Variants in RPS6KC1 observed in about 807,000 individuals in gnomAD.
RPS6KC1 encodes the protein inactive ribosomal protein S6 kinase delta-1.
A neutral mutation model predicts 103.8 loss-of-function variants in RPS6KC1; 54 were observed. That is an observed-to-expected ratio of 0.52 (90% confidence interval 0.42 to 0.65). The LOEUF (loss-of-function observed/expected upper bound fraction) is 0.65. RPS6KC1 is among the 30% of genes least tolerant of loss of function. RPS6KC1 has a pLI of 0.00. For missense variants in RPS6KC1, 1,151 were observed against 1,253.8 expected, an observed-to-expected ratio of 0.92 and a Z score of 1.24; for synonymous variants, 439 against 438.7, an observed-to-expected ratio of 1.00 and a Z score of -0.01.
chr1:213,534,881 G>T, the RPS6KC1 span, among the ~76,000 whole-genome samples: 1 of 152,166 alleles, frequency 6.6e-6, no homozygotes, highest in Non-Finnish European at 1.5e-5. Flanking sequence ...AGAGCCTGCT[G>T]GTAACATTCT....
At chr1:213,603,763 G>A in the RPS6KC1 span, among the ~76,000 whole-genome samples, 1 of 152,006 alleles carries the variant, frequency 6.6e-6, no homozygotes, top group Admixed American at 6.6e-5. Context: ...GGGAGGCTAA[G>A]GCAGGAGAAT....
the RPS6KC1 span, among the ~76,000 whole-genome samples, chr1:213,721,753 T>G: frequency 6.6e-6 from 1 of 152,188 alleles, no homozygotes; most frequent in Non-Finnish European, 1.5e-5. Context: ...AGTTCTCATA[T>G]AGCTGGAAGA....
At chr1:213,603,414 A>AT in the RPS6KC1 span, among the ~76,000 whole-genome samples, 1 of 152,266 alleles carries the variant, frequency 6.6e-6, no homozygotes, top group Non-Finnish European at 1.5e-5. Flanking sequence ...AGTTAGGACC[A>AT]GGAACCATGA....
intron 1 of RPS6KC1, among the ~76,000 whole-genome samples, chr1:213,060,382 A>T (rs1310614591): frequency 6.6e-6 from 1 of 152,230 alleles, no homozygotes. Context: ...ATTTTCAACA[A>T]ACAAAATAAT....
intron 6 of RPS6KC1, among the ~76,000 whole-genome samples, chr1:213,166,485 A>C (rs1049211919): frequency 2.0e-5 from 3 of 152,338 alleles, no homozygotes; most frequent in South Asian, 2.1e-4. Context: ...GCCCTCTAAA[A>C]CCTTGCCTTT....
At chr1:213,714,430 A>AAATT in the RPS6KC1 span, among the ~76,000 whole-genome samples, 2 of 152,188 alleles carry the variant, frequency 1.3e-5, no homozygotes, top group African/African-American at 4.8e-5. Context: ...TATTTTTCTC[A>AAATT]ATGTCTATTT....
the RPS6KC1 span, among the ~76,000 whole-genome samples, chr1:213,538,675 G>A: frequency 6.6e-6 from 1 of 152,164 alleles, no homozygotes; most frequent in African/African-American, 2.4e-5. Context: ...TTTGTTTTGA[G>A]GAGGGGCAGG....
chr1:213,661,558 C>T, the RPS6KC1 span, among the ~76,000 whole-genome samples: 16 of 152,116 alleles, frequency 1.1e-4, no homozygotes, highest in Non-Finnish European at 2.1e-4. Flanking sequence ...AGGAGGAAGT[C>T]AGAGGCGGGG....
At chr1:213,693,198 C>T in the RPS6KC1 span, among the ~76,000 whole-genome samples, 1 of 152,198 alleles carries the variant, frequency 6.6e-6, no homozygotes, top group Non-Finnish European at 1.5e-5. Context: ...GCCAAAGAAG[C>T]TAAGAGTGCC....
chr1:213,856,334 A>G, the RPS6KC1 span, among the ~76,000 whole-genome samples: 2 of 151,118 alleles, frequency 1.3e-5, no homozygotes, highest in South Asian at 4.2e-4. Context: ...TGCTTCTATA[A>G]TACACACACA....
At chr1:213,244,977 T>C (rs1363505367) in intron 12 of RPS6KC1, among the ~76,000 whole-genome samples, 1 of 152,214 alleles carries the variant, frequency 6.6e-6, no homozygotes, top group Non-Finnish European at 1.5e-5. Flanking sequence ...TTCCATTCAT[T>C]GGGCCTGTTA....
At chr1:213,813,017 C>T in the RPS6KC1 span, among the ~76,000 whole-genome samples, 2 of 152,056 alleles carry the variant, frequency 1.3e-5, no homozygotes, top group African/African-American at 4.8e-5. Context: ...CTTTGGGAGG[C>T]TGAGAAGGGC....
chr1:213,434,287 C>T, the RPS6KC1 span, among the ~76,000 whole-genome samples: 1 of 151,982 alleles, frequency 6.6e-6, no homozygotes, highest in Non-Finnish European at 1.5e-5. Flanking sequence ...CTGAAAAAGT[C>T]TTCATTTCAC....
intron 6 of RPS6KC1, among the ~76,000 whole-genome samples, chr1:213,158,668 A>AT (rs968984273): frequency 1.3e-5 from 2 of 151,652 alleles, no homozygotes; most frequent in Non-Finnish European, 2.9e-5. Flanking sequence ...CTTCTCCAGT[A>AT]TTTTTTTTTA....
At chr1:213,539,860 A>T in the RPS6KC1 span, among the ~76,000 whole-genome samples, 6 of 151,942 alleles carry the variant, frequency 3.9e-5, no homozygotes, top group Non-Finnish European at 8.8e-5. Flanking sequence ...GGTCACACAC[A>T]TTTTTTTGGT....
the RPS6KC1 span, among the ~76,000 whole-genome samples, chr1:213,810,301 A>G: frequency 6.6e-6 from 1 of 152,212 alleles, no homozygotes; most frequent in Non-Finnish European, 1.5e-5. Flanking sequence ...AAGGAAGAAG[A>G]CTAGTTCCTG....
At chr1:213,805,383 G>A in the RPS6KC1 span, among the ~76,000 whole-genome samples, 4 of 151,110 alleles carry the variant, frequency 2.6e-5, no homozygotes, top group Non-Finnish European at 5.9e-5. Context: ...CTTTGCCAAC[G>A]AAGTTTATGT....
the RPS6KC1 span, among the ~76,000 whole-genome samples, chr1:213,602,114 T>TTCTCTC: frequency 7.9e-5 from 3 of 38,004 alleles, no homozygotes; most frequent in African/African-American, 1.2e-4. Context: ...CTTTCTTTCT[T>TTCTCTC]TCTTTCTCTT....
At chr1:213,470,326 T>C in the RPS6KC1 span, among the ~76,000 whole-genome samples, 1 of 152,314 alleles carries the variant, frequency 6.6e-6, no homozygotes, top group Admixed American at 6.5e-5. Flanking sequence ...ATTCTTAATT[T>C]TTCTGCATGC....
Sources: allele counts gnomAD v4.1 joint callset (sites outside exome capture counted in the v4.1 genomes callset), GRCh38; gene constraint gnomAD v4.1.1; transcripts MANE v1.5; gene names NCBI Gene and HGNC (gene_info 2026-07-23, HGNC 2026-07-21).